The following EIF5B variants were observed in gnomAD, a reference collection of about 807,000 sequenced individuals.
EIF5B encodes the protein eukaryotic translation initiation factor 5B.
EIF5B carries 47 observed loss-of-function variants against 147.5 expected under a neutral mutation model. The observed-to-expected ratio is 0.32, with a 90% CI of 0.25 to 0.41. The LOEUF is 0.41. Among genes scored for constraint, EIF5B ranks in the 10% least tolerant of loss-of-function variants. EIF5B has a pLI of 1.00. For synonymous variants in EIF5B, 455 were observed against 456.2 expected, an observed-to-expected ratio of 1.00 and a Z score of 0.03; for missense variants, 1,064 against 1,413.2, an observed-to-expected ratio of 0.75 and a Z score of 3.96.
Position 99,379,306 on chromosome 2 carries a change from G to C in EIF5B, c.1951-12G>C. ...GTTCAAATACCAATCTGTATTTGCTGTCTTCTCATAGCTCCGTCACACACA... is the reference window on the plus strand; with the variant it reads ...GTTCAAATACCAATCTGTATTTGCTCTCTTCTCATAGCTCCGTCACACACA... On this transcript the variant is annotated splice_polypyrimidine_tract_variant and intron_variant, in intron 11 of 23. Transcript: ENST00000289371. 6.3e-7 allele frequency: 1 copy of C among 1,598,090 alleles called. No individual in the cohort carries two copies. The highest frequency in any genetic ancestry group is 1.1e-5 in the South Asian group (1 of 88,348).
chr2:99,346,742 T>C (rs1158498251), intron 1 of EIF5B, among the ~76,000 whole-genome samples: 1 of 151,746 alleles, frequency 6.6e-6, no homozygotes, highest in Admixed American at 6.6e-5. Context: ...AGATAATTTT[T>C]TGTATTTTTA....
intron 9 of EIF5B, among the ~76,000 whole-genome samples, 177 bp downstream of exon 9, chr2:99,371,907 T>C (rs1426811963): frequency 1.3e-5 from 2 of 152,240 alleles, no homozygotes; most frequent in African/African-American, 4.8e-5. Flanking sequence ...ATCTTCATTT[T>C]GTGAATGAGT....
intron 4 of EIF5B, among the ~76,000 whole-genome samples, chr2:99,362,443 G>A (rs1427311828): frequency 4.6e-5 from 7 of 152,110 alleles, no homozygotes; most frequent in African/African-American, 1.7e-4. Context: ...GGTGGTTCAC[G>A]CCTATAATCC....
intron 12 of EIF5B, among the ~76,000 whole-genome samples, chr2:99,381,305 G>T (rs1231612075): frequency 1.3e-5 from 2 of 152,108 alleles, no homozygotes; most frequent in Non-Finnish European, 2.9e-5. Context: ...CTGTATTAAA[G>T]TTCTTGGGAT....
At position 99,390,678 on chromosome 2, in the gene EIF5B, T is replaced by C; in HGVS notation, c.2721T>C (p.Pro907=). The change falls in exon 17 of 24, where the codon CCT becomes CCC. Residue 907 remains proline, a synonymous_variant. Coordinates refer to ENST00000289371, the MANE Select transcript of EIF5B (RefSeq NM_015904.4). ...CTCAGATTCGAGGCCTCCTGTTACC[T>C]CCTCCTATGAAGGAATTACGAGTGA... The part of the protein sequence containing the change: ...IVTQIRGLLL[P]PPMKELRVKN... 1 of 1,606,858 alleles carries C rather than the reference T, an allele frequency of 6.2e-7. No homozygotes were observed. The highest frequency in any genetic ancestry group is 8.5e-7 in the Non-Finnish European group (1 of 1,173,988).
chr2:99,369,279 AAT>A, intron 7 of EIF5B, 111 bp from the exon 8 acceptor site: 1 of 723,684 alleles, frequency 1.4e-6, no homozygotes, highest in Non-Finnish European at 2.0e-6. Flanking sequence ...ATTTCAAAAA[AAT>A]AAAAAATAAA....
At chr2:99,351,422 G>A (rs1470169483) in intron 1 of EIF5B, among the ~76,000 whole-genome samples, 1 of 152,164 alleles carries the variant, frequency 6.6e-6, no homozygotes, top group Non-Finnish European at 1.5e-5. Flanking sequence ...GAACATTTGA[G>A]TATAAGTCTT....
intron 1 of EIF5B, among the ~76,000 whole-genome samples, chr2:99,342,666 C>G (rs919752133): frequency 6.6e-6 from 1 of 151,726 alleles, no homozygotes; most frequent in African/African-American, 2.4e-5. Flanking sequence ...GAATCTCACT[C>G]TGTCACCCAG....
At chr2:99,382,568 A>C (rs930741627) in intron 13 of EIF5B, among the ~76,000 whole-genome samples, 1 of 152,182 alleles carries the variant, frequency 6.6e-6, no homozygotes, top group African/African-American at 2.4e-5. Context: ...AATTATTAGA[A>C]ATATTAGTTG....
At chr2:99,364,195 GTT>G (rs1674279595) in intron 5 of EIF5B, 74 bp from the exon 6 acceptor site, 1 of 1,494,488 alleles carries the variant, frequency 6.7e-7, no homozygotes, top group African/African-American at 1.4e-5. Context: ...TTTATTTGAA[GTT>G]TGGATTGTTT....
intron 12 of EIF5B, 100 bp from the exon 13 acceptor site, chr2:99,382,059 G>A (rs1476784461): frequency 6.7e-6 from 6 of 889,522 alleles, no homozygotes; most frequent in Middle Eastern, 3.4e-4. Context: ...GGAAAAGGGA[G>A]TAGTGATACT....
intron 10 of EIF5B, among the ~76,000 whole-genome samples, chr2:99,377,027 C>G (rs1025307022): frequency 2.6e-5 from 4 of 152,212 alleles, no homozygotes; most frequent in Admixed American, 2.0e-4. Flanking sequence ...TTATATAAAT[C>G]TGGTGGGTTG....
chr2:99,368,426 T>C (rs1674373416), intron 6 of EIF5B, 67 bp from the exon 7 acceptor site: 1 of 1,162,028 alleles, frequency 8.6e-7, no homozygotes, highest in Non-Finnish European at 1.3e-6. Context: ...ATGCTATCCT[T>C]TAAATAGTAC....
intron 1 of EIF5B, among the ~76,000 whole-genome samples, chr2:99,340,010 T>C (rs758210520): frequency 2.6e-5 from 4 of 152,210 alleles, no homozygotes; most frequent in Non-Finnish European, 2.9e-5. Flanking sequence ...TTTTCTCATA[T>C]ACCAATATAT....
At chr2:99,399,248 GCTTT>G in intron 23 of EIF5B, 55 bp from the exon 24 acceptor site, 7 of 1,539,638 alleles carry the variant, frequency 4.5e-6, no homozygotes, top group African/African-American at 1.4e-5. Context: ...TGGGGCCACA[GCTTT>G]CTTTGGCACG....
At chr2:99,365,330 C>T (rs1276952368) in intron 6 of EIF5B, among the ~76,000 whole-genome samples, 1 of 152,150 alleles carries the variant, frequency 6.6e-6, no homozygotes, top group Non-Finnish European at 1.5e-5. Flanking sequence ...AAACAGCTTA[C>T]CCAAGGCCAC....
At position 99,394,312 on chromosome 2, in the gene EIF5B, T is replaced by G. The variant is rs1674999425; in HGVS notation, c.2926T>G (p.Leu976Val). 2 of 1,613,186 alleles carry G rather than the reference T, an allele frequency of 1.2e-6. No homozygotes were observed. Among genetic ancestry groups the G allele is most frequent in the African/African-American group, 2.7e-5 (2 of 74,760 alleles). Residue 976 changes from leucine (L) to valine (V), a missense_variant, in exon 19 of 24, where the codon TTA (leucine) becomes GTA (valine). This residue lies in a region of EIF5B where 380 missense variants were observed against 715.6 expected (regional missense o/e 0.53). Transcript: ENST00000289371. Reference protein sequence around the residue: ...ELKQTLNAIKLEEKGVYVQAS... With the variant: ...ELKQTLNAIKVEEKGVYVQAS... Reference sequence around the variant, plus strand: ...AAAGCAGACACTAAATGCTATCAAATTAGAAGAAAAAGGAGTCTATGTCCA... The same window carrying G: ...AAAGCAGACACTAAATGCTATCAAAGTAGAAGAAAAAGGAGTCTATGTCCA...
intron 1 of EIF5B, among the ~76,000 whole-genome samples, chr2:99,345,614 A>G: frequency 7.7e-6 from 1 of 129,578 alleles, no homozygotes. Flanking sequence ...AAAAAAAAGG[A>G]ATGTCTAACA....
intron 6 of EIF5B, among the ~76,000 whole-genome samples, chr2:99,365,185 G>A (rs1674301800): frequency 1.3e-5 from 2 of 152,050 alleles, no homozygotes; most frequent in South Asian, 4.1e-4. Flanking sequence ...TACAGTAATA[G>A]CTACCATTTA....
Sources: allele counts gnomAD v4.1 joint callset (sites outside exome capture counted in the v4.1 genomes callset), GRCh38; gene constraint gnomAD v4.1.1; regional missense constraint gnomAD v4.1.1; transcripts MANE v1.5; gene names NCBI Gene and HGNC (gene_info 2026-07-23, HGNC 2026-07-21).